Variants in YEATS4 observed in about 807,000 individuals in gnomAD.
YEATS4 encodes the protein YEATS domain containing 4, also known as YEATS domain-containing protein 4.
In YEATS4, 17 loss-of-function variants were observed where a neutral mutation model predicts 30.1. The observed-to-expected ratio is 0.56, with a 90% CI of 0.39 to 0.85. YEATS4 has a LOEUF of 0.85. YEATS4 is among the 40% of genes least tolerant of loss of function. The pLI is 0.00. For missense variants in YEATS4, 142 were observed against 268.3 expected, an observed-to-expected ratio of 0.53 and a Z score of 3.29; for synonymous variants, 85 against 87.5, an observed-to-expected ratio of 0.97 and a Z score of 0.16.
chr12:69,402,169 G>C, the YEATS4 span, among the ~76,000 whole-genome samples: 19 of 152,202 alleles, frequency 1.2e-4, no homozygotes, highest in East Asian at 3.7e-3. Flanking sequence ...CCACACCAGG[G>C]CCTAAGTCTA....
Position 69,390,376 on chromosome 12 carries a change from G to A in YEATS4, c.*60G>A. The stretch of plus-strand genomic sequence containing the variant: ...TGAAAATAAGGTGGGCTTCACTGGA[G>A]AAATGGACTTACTGCAAATGCTGTG... On this transcript the variant is annotated 3_prime_UTR_variant, in exon 7 of 7. Coordinates refer to ENST00000247843, the MANE Select transcript of YEATS4 (RefSeq NM_006530.4). The A allele has an allele frequency of 6.9e-7, 1 of 1,439,056 alleles. No individual in the cohort carries two copies. The highest frequency in any genetic ancestry group is 1.5e-5 in the South Asian group (1 of 66,152). The allele number at this position is 1,439,056 out of a possible 1,614,324, so 89.1% of individuals were successfully genotyped here. A position where few individuals can be genotyped will look rare whatever the true frequency, so the allele number is the denominator to read the frequency against.
rs555610206 is a variant in YEATS4, at chr12:69,389,713, A to G, written c.515-434A>G. 2.6e-5 allele frequency among the ~76,000 whole-genome samples: 4 copies of G among 151,940 alleles called. No homozygotes were observed. The East Asian group carries it at 7.9e-4, about 30-fold the overall frequency. On this transcript the variant is annotated intron_variant, in intron 6 of 6. Transcript: ENST00000247843. Reference sequence around the variant, plus strand: ...TTTTTGATAGAGACGAGGTTTTGCTATGTTGGCCAGGTTGGTCTCGAACTC... The same window carrying G: ...TTTTTGATAGAGACGAGGTTTTGCTGTGTTGGCCAGGTTGGTCTCGAACTC...
the YEATS4 span, among the ~76,000 whole-genome samples, chr12:69,407,209 G>C: frequency 6.6e-6 from 1 of 151,354 alleles, no homozygotes; most frequent in Non-Finnish European, 1.5e-5. Flanking sequence ...CACAACTAAG[G>C]CCATGAATAG....
intron 4 of YEATS4, among the ~76,000 whole-genome samples, chr12:69,366,811 C>G (rs1358755013): frequency 3.3e-5 from 5 of 152,194 alleles, no homozygotes; most frequent in Admixed American, 3.3e-4. Context: ...CTGAATATCA[C>G]CTGGACCAGT....
At chr12:69,424,305 A>G in the YEATS4 span, among the ~76,000 whole-genome samples, 1 of 152,188 alleles carries the variant, frequency 6.6e-6, no homozygotes, top group Non-Finnish European at 1.5e-5. Flanking sequence ...CTAACCTGCT[A>G]CAGGGGTCAC....
chr12:69,417,696 T>TA, the YEATS4 span, among the ~76,000 whole-genome samples: 1 of 152,144 alleles, frequency 6.6e-6, no homozygotes, highest in Non-Finnish European at 1.5e-5. Context: ...ACCCACGTAC[T>TA]GTGTTTCTGT....
chr12:69,408,559 C>T, the YEATS4 span, among the ~76,000 whole-genome samples: 1 of 152,172 alleles, frequency 6.6e-6, no homozygotes, highest in Non-Finnish European at 1.5e-5. Flanking sequence ...AAGTTTACTC[C>T]AGTTTGCCCT....
chr12:69,410,131 C>T, the YEATS4 span, among the ~76,000 whole-genome samples: 60 of 152,280 alleles, frequency 3.9e-4, 1 homozygote, highest in Middle Eastern at 0.01. Flanking sequence ...AATTCACTCA[C>T]GTTAGCATAT....
chr12:69,406,042 G>A, the YEATS4 span, among the ~76,000 whole-genome samples: 8 of 152,210 alleles, frequency 5.3e-5, no homozygotes, highest in South Asian at 1.7e-3. Flanking sequence ...TTAATCATTG[G>A]CTATTGATAA....
chr12:69,366,378 A>G (rs1269496389), intron 4 of YEATS4, among the ~76,000 whole-genome samples: 1 of 126,000 alleles, frequency 7.9e-6, no homozygotes, highest in African/African-American at 2.7e-5. Context: ...GTTGCTTGAT[A>G]ATGTAAAAAA....
At chr12:69,385,557 A>T (rs575022550) in intron 6 of YEATS4, among the ~76,000 whole-genome samples, 1 of 152,318 alleles carries the variant, frequency 6.6e-6, no homozygotes, top group South Asian at 2.1e-4. Flanking sequence ...AAACCGAGGT[A>T]TAAGGAGGTT....
rs555948006 is a variant in YEATS4, at chr12:69,381,531, C to T, written c.515-8616C>T. Among the ~76,000 whole-genome samples, 105 of 152,070 alleles carry T rather than the reference C, an allele frequency of 6.9e-4. 1 individual carries two copies. The highest frequency in any genetic ancestry group is 2.3e-3 in the African/African-American group (97 of 41,458). On this transcript the variant is annotated intron_variant, in intron 6 of 6. Coordinates refer to ENST00000247843, the MANE Select transcript of YEATS4 (RefSeq NM_006530.4). ...CATCCTCCTCAGCTTACAAAGATGA[C>T]GGGATTAAGAGATTAAAGTAAAGAC... is the stretch of plus-strand genomic sequence containing the variant.
At chr12:69,423,662 C>T in the YEATS4 span, among the ~76,000 whole-genome samples, 1,574 of 152,242 alleles carry the variant, frequency 0.01, 31 homozygotes, top group African/African-American at 0.036. Context: ...CTTGGACTTG[C>T]CCTATAGACA....
chr12:69,403,288 G>A, the YEATS4 span, among the ~76,000 whole-genome samples: 1 of 152,048 alleles, frequency 6.6e-6, no homozygotes, highest in East Asian at 1.9e-4. Context: ...TATTAAAAGG[G>A]ATTTGCATCC....
chr12:69,375,775 G>A (rs951192037), intron 6 of YEATS4, among the ~76,000 whole-genome samples: 4 of 152,070 alleles, frequency 2.6e-5, no homozygotes, highest in African/African-American at 9.7e-5. Flanking sequence ...GGTGGTGCGC[G>A]CCTGCAATCC....
chr12:69,368,140 T>C (rs2120936606), intron 4 of YEATS4, among the ~76,000 whole-genome samples: 1 of 152,360 alleles, frequency 6.6e-6, no homozygotes, highest in Non-Finnish European at 1.5e-5. Flanking sequence ...ATTATTAAAC[T>C]ATTGTACTTT....
chr12:69,405,343 C>T, the YEATS4 span, among the ~76,000 whole-genome samples: 2 of 152,084 alleles, frequency 1.3e-5, no homozygotes, highest in African/African-American at 2.4e-5. Flanking sequence ...ACGACAATAA[C>T]TAATAATAAA....
the YEATS4 span, among the ~76,000 whole-genome samples, chr12:69,399,701 G>A: frequency 1.3e-5 from 2 of 152,300 alleles, no homozygotes; most frequent in Non-Finnish European, 2.9e-5. Context: ...ATTTATAGGA[G>A]CATCATTCAG....
intron 4 of YEATS4, among the ~76,000 whole-genome samples, chr12:69,370,339 T>G (rs1660370181): frequency 6.6e-6 from 1 of 152,222 alleles, no homozygotes; most frequent in South Asian, 2.1e-4. Context: ...ATTTGTAAAC[T>G]CTAATCTTCA....
Sources: allele counts gnomAD v4.1 joint callset (sites outside exome capture counted in the v4.1 genomes callset), GRCh38; gene constraint gnomAD v4.1.1; transcripts MANE v1.5; gene names NCBI Gene and HGNC (gene_info 2026-07-23, HGNC 2026-07-21).